ASIP: variants seen among roughly 807,000 people sequenced by gnomAD.
ASIP encodes agouti signaling protein.
Under a neutral mutation model 10.3 loss-of-function variants are expected in ASIP, and 11 were observed. The ratio of observed to expected loss-of-function variants is 1.07; its 90% confidence interval spans 0.68 to 1.78. The LOEUF is 1.78. Among genes scored for constraint, ASIP ranks in the 40% most tolerant of loss-of-function variants. The pLI is 0.00. For synonymous variants in ASIP, 70 were observed against 70.8 expected (o/e 0.99, Z 0.06); for missense variants, 180 against 169.2 (o/e 1.06, Z -0.35).
At position 34,269,078 on chromosome 20, in the gene ASIP, G is replaced by A; in HGVS notation, c.310G>A (p.Ala104Thr). ...VATRNSCKPP[A>T]PACCDPCASC... ...CACCCGCAACAGCTGCAAGCCGCCG[G>A]CACCCGCCTGCTGCGACCCGTGCGC... The change falls in exon 4 of 4, where the codon GCA becomes ACA. Residue 104 changes from alanine (A) to threonine (T), a missense_variant. Coordinates refer to ENST00000374954, the MANE Select transcript of ASIP (RefSeq NM_001672.3). 6.4e-7 allele frequency: 1 copy of A among 1,574,290 alleles called. No individual in the cohort carries two copies. Among genetic ancestry groups the A allele is most frequent in the South Asian group, 1.2e-5 (1 of 86,684 alleles).
At chr20:34,247,067 A>T (rs1601595946) in intron 1 of ASIP, among the ~76,000 whole-genome samples, 1 of 152,022 alleles carries the variant, frequency 6.6e-6, no homozygotes, top group African/African-American at 2.4e-5. Context: ...ATCATGGCTC[A>T]CCACAGCCTC....
chr20:34,262,934 G>C (rs1203274004), intron 3 of ASIP, 41 bp downstream of exon 3: 1 of 1,608,820 alleles, frequency 6.2e-7, no homozygotes, highest in South Asian at 1.1e-5. Context: ...TTGTTGGGGT[G>C]AGACTGGACT....
intron 1 of ASIP, among the ~76,000 whole-genome samples, chr20:34,216,337 T>C (rs568569385): frequency 6.6e-6 from 1 of 152,348 alleles, no homozygotes; most frequent in East Asian, 1.9e-4. Flanking sequence ...GCCAGCAGTC[T>C]CATGGAGAGT....
intron 1 of ASIP, among the ~76,000 whole-genome samples, chr20:34,232,628 A>G (rs1290967775): frequency 1.3e-5 from 2 of 152,222 alleles, no homozygotes; most frequent in African/African-American, 4.8e-5. Context: ...GCCAGTCGTA[A>G]TCACCATACA....
intron 3 of ASIP, 78 bp from the exon 4 acceptor site, chr20:34,268,913 C>T: frequency 6.6e-7 from 1 of 1,515,540 alleles, no homozygotes; most frequent in Non-Finnish European, 8.9e-7. Context: ...CTCCCTAGCC[C>T]GAGGAGCTCC....
chr20:34,224,147 C>T (rs1486201888), intron 1 of ASIP, among the ~76,000 whole-genome samples: 2 of 147,262 alleles, frequency 1.4e-5, no homozygotes, highest in Non-Finnish European at 3.0e-5. Flanking sequence ...ATCTGCTGAC[C>T]TTCCCTCCAC....
At chr20:34,190,179 T>C (rs1309997451), upstream of ASIP, among the ~76,000 whole-genome samples, 2 of 152,202 alleles carry the variant, frequency 1.3e-5, no homozygotes, top group African/African-American at 2.4e-5. Flanking sequence ...CTTGTGACAC[T>C]GTGTCCAGGC....
upstream of ASIP, among the ~76,000 whole-genome samples, chr20:34,192,521 CT>C (rs35936399): frequency 2.2e-3 from 315 of 141,650 alleles, no homozygotes; most frequent in Middle Eastern, 3.6e-3. Context: ...TTTTCTTCTT[CT>C]TTTTTTTTTT....
At chr20:34,200,069 T>C (rs1468973610) in intron 1 of ASIP, among the ~76,000 whole-genome samples, 1 of 152,248 alleles carries the variant, frequency 6.6e-6, no homozygotes, top group Non-Finnish European at 1.5e-5. Flanking sequence ...GAAGTCCAAA[T>C]GTTCAAGCTT....
At chr20:34,268,349 CAG>C (rs2035824445) in intron 3 of ASIP, among the ~76,000 whole-genome samples, 1 of 152,150 alleles carries the variant, frequency 6.6e-6, no homozygotes, top group South Asian at 2.1e-4. Context: ...GCGAAGTTAA[CAG>C]GGGTCGGAGA....
At chr20:34,246,455 C>T in intron 1 of ASIP, 4 of 1,402,518 alleles carry the variant, frequency 2.9e-6, no homozygotes, top group South Asian at 2.3e-5. Context: ...ATAAAGGACT[C>T]GAAGTGGGTA....
At chr20:34,268,967 A>G in intron 3 of ASIP, 24 bp from the exon 4 acceptor site, 1 of 1,584,554 alleles carries the variant, frequency 6.3e-7, no homozygotes, top group Non-Finnish European at 8.6e-7. Flanking sequence ...GCCGGCTCAT[A>G]AAGCCCCGGC....
chr20:34,202,287 C>T (rs1253459866), intron 1 of ASIP, among the ~76,000 whole-genome samples: 1 of 152,190 alleles, frequency 6.6e-6, no homozygotes, highest in African/African-American at 2.4e-5. Context: ...GCACTAGCCA[C>T]ATATGGCTAT....
chr20:34,196,405 C>T (rs1333392803), intron 1 of ASIP, among the ~76,000 whole-genome samples: 1 of 151,980 alleles, frequency 6.6e-6, no homozygotes. Flanking sequence ...GATCTCCTGA[C>T]CTCATGATCC....
chr20:34,224,670 T>C (rs1430744225), intron 1 of ASIP, among the ~76,000 whole-genome samples: 2 of 151,102 alleles, frequency 1.3e-5, no homozygotes, highest in Non-Finnish European at 3.0e-5. Flanking sequence ...TAGGATTGTC[T>C]CACCAGGACT....
chr20:34,267,015 G>T (rs575206004), intron 3 of ASIP, among the ~76,000 whole-genome samples: 1 of 152,318 alleles, frequency 6.6e-6, no homozygotes, highest in African/African-American at 2.4e-5. Flanking sequence ...GATCTTGAAA[G>T]TCCCTGCTCT....
chr20:34,217,029 A>C (rs2035013312), intron 1 of ASIP, among the ~76,000 whole-genome samples: 1 of 151,956 alleles, frequency 6.6e-6, no homozygotes, highest in Admixed American at 6.6e-5. Context: ...AGAGGCTGAA[A>C]CTTTCATCTA....
chr20:34,208,951 G>A (rs1251125529), intron 1 of ASIP, among the ~76,000 whole-genome samples: 1 of 152,108 alleles, frequency 6.6e-6, no homozygotes, highest in Non-Finnish European at 1.5e-5. Flanking sequence ...ACTAATTTTT[G>A]TATGTTGATT....
chr20:34,247,696 T>C (rs532346118), intron 1 of ASIP, among the ~76,000 whole-genome samples: 1 of 150,762 alleles, frequency 6.6e-6, no homozygotes, highest in African/African-American at 2.4e-5. Context: ...GCAGCCTTGA[T>C]CTCCTAGACT....
Sources: gnomAD v4.1 joint callset for allele counts (sites outside exome capture counted in the v4.1 genomes callset) on GRCh38, gnomAD v4.1.1 for gene constraint, MANE v1.5 for transcripts, NCBI Gene and HGNC (gene_info 2026-07-23, HGNC 2026-07-21) for gene names.